VPS36: variants seen among roughly 807,000 people sequenced by gnomAD.
VPS36 encodes the protein vacuolar protein-sorting-associated protein 36.
Under a neutral mutation model 63.5 loss-of-function variants are expected in VPS36, and 31 were observed. The ratio of observed to expected loss-of-function variants is 0.49; its 90% confidence interval spans 0.37 to 0.66. VPS36 has a LOEUF of 0.66. Among genes scored for constraint, VPS36 ranks in the 30% least tolerant of loss-of-function variants. The pLI is 0.00. For missense variants in VPS36, 338 were observed against 463.7 expected, an observed-to-expected ratio of 0.73 and a Z score of 2.49; for synonymous variants, 138 against 157.2, an observed-to-expected ratio of 0.88 and a Z score of 0.91.
chr13:52,429,761 T>C (rs1958137204), intron 6 of VPS36, among the ~76,000 whole-genome samples: 1 of 152,134 alleles, frequency 6.6e-6, no homozygotes, highest in Non-Finnish European at 1.5e-5. Context: ...AAGAAAAACA[T>C]TATTTTCAAC....
chr13:52,430,408 G>A (rs565774874), intron 6 of VPS36, among the ~76,000 whole-genome samples: 110 of 152,186 alleles, frequency 7.2e-4, no homozygotes, highest in African/African-American at 2.6e-3. Context: ...TGAGGCGACC[G>A]GATCACGAGG....
At chr13:52,423,533 C>T in intron 10 of VPS36, 41 bp downstream of exon 10, 3 of 1,538,896 alleles carry the variant, frequency 1.9e-6, no homozygotes, top group Non-Finnish European at 2.7e-6. Flanking sequence ...TTAAGAAAAT[C>T]TACATTTGGT....
At chr13:52,416,311 G>A in intron 12 of VPS36, 3 of 522,424 alleles carry the variant, frequency 5.7e-6, no homozygotes, top group Non-Finnish European at 1.0e-5. Flanking sequence ...ACATAGTAGA[G>A]GCTCAAATAT....
intron 5 of VPS36, 116 bp from the exon 6 acceptor site, chr13:52,433,864 A>G (rs1299500468): frequency 8.9e-6 from 7 of 784,934 alleles, no homozygotes; most frequent in Admixed American, 2.7e-5. Flanking sequence ...AGAACCAAAG[A>G]AAAACAGCAT....
At position 52,420,333 on chromosome 13, in the gene VPS36, T is replaced by A. The variant is rs527535956; in HGVS notation, c.841-2277A>T. On this transcript the variant is annotated intron_variant, in intron 10 of 13. Transcript: ENST00000378060. ...TAATTTATTGTATATTTCTTTTTTT[T>A]AAATTTATTTATTTTTTGAGATGCA... is the stretch of plus-strand genomic sequence containing the variant. Among the ~76,000 whole-genome samples the A allele has an allele frequency of 1.4e-3, 206 of 152,084 alleles. 1 individual carries two copies. The highest frequency in any genetic ancestry group is 1.5e-3 in the African/African-American group (63 of 41,512).
chr13:52,433,655 C>T lies in VPS36; in HGVS notation c.528+7G>A, dbSNP rs777144611. 1.2e-5 allele frequency: 19 copies of T among 1,607,142 alleles called. No individual in the cohort carries two copies. Among genetic ancestry groups the T allele is most frequent in the East Asian group, 2.2e-5 (1 of 44,788 alleles). On this transcript the variant is annotated splice_region_variant and intron_variant, in intron 6 of 13. Transcript: ENST00000378060. ...GAATAGATGGAGAGCCAGAATTTAA[C>T]AGTTACCTCAGAAATGTTTTTGTCA...
intron 4 of VPS36, among the ~76,000 whole-genome samples, chr13:52,435,413 C>T (rs935427242): frequency 2.0e-5 from 3 of 151,806 alleles, no homozygotes; most frequent in African/African-American, 7.3e-5. Context: ...AGAGAAGGAA[C>T]TGACCTTCTA....
At position 52,431,974 on chromosome 13, in the gene VPS36, G is replaced by A. The variant is rs376603887; in HGVS notation, c.528+1688C>T. Among the ~76,000 whole-genome samples the A allele has an allele frequency of 2.6e-5, 4 of 152,170 alleles. No homozygotes were observed. In the East Asian group the frequency reaches 5.8e-4, roughly 22 times the overall value. The stretch of plus-strand genomic sequence containing the variant: ...ACTGGCCAAAGATGGGACAATTTGA[G>A]CTTCAAATAGGATAATAATTATAAC... On this transcript the variant is annotated intron_variant, in intron 6 of 13. Coordinates refer to ENST00000378060, the MANE Select transcript of VPS36 (RefSeq NM_016075.4).
chr13:52,447,785 ATT>A (rs11439849), intron 1 of VPS36, among the ~76,000 whole-genome samples: 1 of 145,346 alleles, frequency 6.9e-6, no homozygotes, highest in Non-Finnish European at 1.5e-5. Context: ...TTATGAAGTC[ATT>A]TTTTTTTTTT....
In VPS36 at chr13:52,425,920, T is replaced by G; in HGVS notation, c.774+12A>C. On this transcript the variant is annotated intron_variant, in intron 9 of 13. Transcript: ENST00000378060. ...CACAGTTTAAAAAAAAACACATAGGTTTAGTTTTTACCTCTAAAGGCACCT... is the reference window on the plus strand; with the variant it reads ...CACAGTTTAAAAAAAAACACATAGGGTTAGTTTTTACCTCTAAAGGCACCT... The G allele has an allele frequency of 6.2e-7, 1 of 1,603,360 alleles. No individual in the cohort carries two copies. The highest frequency in any genetic ancestry group is 1.3e-5 in the African/African-American group (1 of 74,324).
chr13:52,441,701 G>A (rs1225948795), intron 2 of VPS36, among the ~76,000 whole-genome samples: 1 of 152,022 alleles, frequency 6.6e-6, no homozygotes, highest in Non-Finnish European at 1.5e-5. Context: ...GCAGTGAGCC[G>A]AGATTGCGCC....
intron 6 of VPS36, chr13:52,429,415 T>A (rs899108328): frequency 2.1e-6 from 1 of 487,138 alleles, no homozygotes; most frequent in Non-Finnish European, 2.7e-6. Context: ...TTCCTGCTGC[T>A]AGCAAGCCCT....
chr13:52,449,576 G>A (rs1050532184), intron 1 of VPS36, among the ~76,000 whole-genome samples: 12 of 152,170 alleles, frequency 7.9e-5, no homozygotes, highest in African/African-American at 2.7e-4. Flanking sequence ...AGCGGAAAGT[G>A]TCGTTAATAA....
chr13:52,447,002 A>G (rs963733063), intron 1 of VPS36, among the ~76,000 whole-genome samples: 1 of 151,666 alleles, frequency 6.6e-6, no homozygotes, highest in African/African-American at 2.4e-5. Context: ...CAGCCTCCCA[A>G]GTAGCTGGGA....
At chr13:52,437,129 C>A (rs973257569) in intron 3 of VPS36, among the ~76,000 whole-genome samples, 1 of 151,894 alleles carries the variant, frequency 6.6e-6, no homozygotes, top group African/African-American at 2.4e-5. Flanking sequence ...CAAAGTATCC[C>A]GGGTACCTAG....
intron 2 of VPS36, 125 bp downstream of exon 2, chr13:52,442,252 G>A (rs1339462858): frequency 2.7e-6 from 2 of 739,012 alleles, no homozygotes; most frequent in Non-Finnish European, 3.9e-6. Context: ...TCGGGAGGTT[G>A]AGGCCAGGAG....
intron 1 of VPS36, chr13:52,449,882 C>A: frequency 1.0e-6 from 1 of 981,806 alleles, no homozygotes; most frequent in African/African-American, 1.7e-5. Flanking sequence ...GAAAACAAAA[C>A]AAAAACCCAA....
chr13:52,430,558 G>A (rs1958144522), intron 6 of VPS36, among the ~76,000 whole-genome samples: 2 of 151,940 alleles, frequency 1.3e-5, no homozygotes, highest in South Asian at 4.2e-4. Flanking sequence ...CTTGAACCCG[G>A]GAGGCAGAGG....
rs73184401 is a variant in VPS36 at position 52,413,003 on chromosome 13, A to C, written c.*2827T>G. ...ATCACTCCACAGGGATTTAAACTTT[A>C]AGACTACAAAGAGAAATTTATTGGT... On this transcript the variant is annotated 3_prime_UTR_variant, in exon 14 of 14. Transcript: ENST00000378060. 5.9e-3 allele frequency: 908 copies of C among 152,786 alleles called. 4 individuals are homozygous for C. The highest frequency in any genetic ancestry group is 9.4e-3 in the Non-Finnish European group (641 of 68,038). 9.5% of individuals were successfully genotyped at this position (152,786 alleles called of 1,614,324 possible).
Sources: gnomAD v4.1 joint callset for allele counts (sites outside exome capture counted in the v4.1 genomes callset) on GRCh38, gnomAD v4.1.1 for gene constraint, MANE v1.5 for transcripts, NCBI Gene and HGNC (gene_info 2026-07-23, HGNC 2026-07-21) for gene names.